NAV3: variants seen among roughly 807,000 people sequenced by gnomAD.
NAV3 encodes neuron navigator 3.
In NAV3, 87 loss-of-function variants were observed where a neutral mutation model predicts 244.7. The ratio of observed to expected loss-of-function variants is 0.36; its 90% CI spans 0.30 to 0.42. The LOEUF is 0.42. NAV3 is among the 20% of genes least tolerant of loss of function. NAV3 has a pLI of 1.00. For missense variants in NAV3, 2,663 were observed against 2,893.3 expected, an observed-to-expected ratio of 0.92 and a Z score of 1.83; for synonymous variants, 1,126 against 1,042.2, an observed-to-expected ratio of 1.08 and a Z score of -1.55.
Position 77,831,444 on chromosome 12 carries a change from G to A in NAV3, c.-18G>A, listed in dbSNP as rs2136073359. On this transcript the variant is annotated 5_prime_UTR_variant, in exon 1 of 40. Coordinates refer to ENST00000397909, the MANE Select transcript of NAV3 (RefSeq NM_001024383.2). ...GAAGCATTTTCTTTGGCAGCAAGAA[G>A]ATAATTTTATAGAAGCCATGCCTGT... 6.4e-7 allele frequency: 1 copy of A among 1,570,250 alleles called. No homozygotes were observed. The highest frequency in any genetic ancestry group is 8.6e-7 in the Non-Finnish European group (1 of 1,161,718).
intron 16 of NAV3, among the ~76,000 whole-genome samples, chr12:78,124,094 C>T (rs912007498): frequency 2.0e-5 from 3 of 152,204 alleles, no homozygotes; most frequent in Admixed American, 2.0e-4. Flanking sequence ...AACCACCTTC[C>T]ACAAAACTGG....
chr12:77,588,715 T>C (rs1869760322), intron 2 of NAV3, among the ~76,000 whole-genome samples: 1 of 152,202 alleles, frequency 6.6e-6, no homozygotes, highest in Non-Finnish European at 1.5e-5. Context: ...GGGACCTTAA[T>C]TTGGCAAGTA....
At position 77,691,333 on chromosome 12, in the gene NAV3, G is replaced by GTATATATATATATA. The variant is rs1214933751; in HGVS notation, c.72+119068_72+119069insATATATATATATAT. Among the ~76,000 whole-genome samples, 321 of 100,856 alleles carry GTATATATATATATA rather than the reference G, an allele frequency of 3.2e-3. 9 individuals carry two copies. Among genetic ancestry groups the GTATATATATATATA allele is most frequent in the African/African-American group, 0.012 (307 of 26,038 alleles). The allele number at this position is 100,856 out of a possible 152,430, so 66.2% of individuals were successfully genotyped here. A position where few individuals can be genotyped will look rare whatever the true frequency, so the allele number is the denominator to read the frequency against. On this transcript the variant is annotated intron_variant, in intron 2 of 8. Coordinates refer to the NAV3 transcript ENST00000550042. ...TAGTCATATATAAGTATTTGTGTAT[G>GTATATATATATATA]TGTGTATATATATATATATATACAT...
intron 2 of NAV3, among the ~76,000 whole-genome samples, chr12:77,683,454 T>C (rs1280564148): frequency 2.6e-5 from 4 of 152,128 alleles, no homozygotes; most frequent in Non-Finnish European, 5.9e-5. Context: ...TCAGGTAATA[T>C]GATGGCTCCA....
chr12:78,047,907 T>C (rs989885837), intron 9 of NAV3, among the ~76,000 whole-genome samples: 1 of 152,206 alleles, frequency 6.6e-6, no homozygotes, highest in African/African-American at 2.4e-5. Flanking sequence ...TGTTTGTTCC[T>C]TTTCATTCTT....
chr12:77,804,816 T>C (rs538824388), intron 2 of NAV3, among the ~76,000 whole-genome samples: 2 of 152,268 alleles, frequency 1.3e-5, no homozygotes, highest in East Asian at 3.9e-4. Context: ...GTGGAATGTT[T>C]TTCCATTTGT....
At chr12:78,057,322 T>C (rs1883660801) in intron 11 of NAV3, among the ~76,000 whole-genome samples, 1 of 152,130 alleles carries the variant, frequency 6.6e-6, no homozygotes, top group African/African-American at 2.4e-5. Flanking sequence ...GGAGTAAAAA[T>C]TAAAAATAAG....
At chr12:77,663,777 T>A (rs1873585821) in intron 2 of NAV3, among the ~76,000 whole-genome samples, 1 of 152,186 alleles carries the variant, frequency 6.6e-6, no homozygotes, top group African/African-American at 2.4e-5. Context: ...CGCCTTGGCC[T>A]TTCAAAGTGC....
At chr12:77,617,316 AC>A in intron 2 of NAV3, among the ~76,000 whole-genome samples, 1 of 152,256 alleles carries the variant, frequency 6.6e-6, no homozygotes, top group South Asian at 2.1e-4. Flanking sequence ...AGTACAGCTG[AC>A]TTGTGTAATG....
intron 12 of NAV3, among the ~76,000 whole-genome samples, chr12:78,110,854 C>A (rs1414811084): frequency 6.6e-6 from 1 of 151,962 alleles, no homozygotes; most frequent in Admixed American, 6.6e-5. Context: ...AGAATGAAAT[C>A]CTGTCATTTG....
chr12:78,193,079 A>G (rs1445748394), intron 34 of NAV3, among the ~76,000 whole-genome samples: 1 of 152,244 alleles, frequency 6.6e-6, no homozygotes, highest in East Asian at 1.9e-4. Context: ...ATGCTGACGC[A>G]TTTTATGCTG....
intron 39 of NAV3, among the ~76,000 whole-genome samples, chr12:78,209,574 C>T (rs1401124388): frequency 4.7e-5 from 7 of 150,512 alleles, no homozygotes; most frequent in Non-Finnish European, 1.0e-4. Context: ...CCATCTCTAA[C>T]AGTGGAGCTC....
At chr12:77,872,423 G>A (rs1842127) in intron 1 of NAV3, among the ~76,000 whole-genome samples, 20,809 of 152,140 alleles carry the variant, frequency 0.14, 1,520 homozygotes, top group East Asian at 0.22. Flanking sequence ...GAGAAAGAAG[G>A]GACTGGTATA....
intron 2 of NAV3, among the ~76,000 whole-genome samples, chr12:77,802,028 C>T (rs182275990): frequency 2.0e-5 from 3 of 152,170 alleles, no homozygotes; most frequent in African/African-American, 7.2e-5. Flanking sequence ...CATGTAGTCT[C>T]TTAGGGGCCC....
chr12:78,176,581 T>C, intron 26 of NAV3, 122 bp downstream of exon 26: 1 of 894,968 alleles, frequency 1.1e-6, no homozygotes, highest in Non-Finnish European at 1.7e-6. Flanking sequence ...TGTATGTCTT[T>C]TCTTTGTGTC....
chr12:78,120,642 T>G (rs1955628915), intron 15 of NAV3, among the ~76,000 whole-genome samples: 1 of 152,208 alleles, frequency 6.6e-6, no homozygotes, highest in Admixed American at 6.5e-5. Flanking sequence ...TATGTGAAGT[T>G]CTGCTCTAAG....
At chr12:77,580,939 G>A (rs1003956762) in intron 2 of NAV3, among the ~76,000 whole-genome samples, 1 of 152,176 alleles carries the variant, frequency 6.6e-6, no homozygotes, top group Non-Finnish European at 1.5e-5. Flanking sequence ...TGTAATACTT[G>A]TTTTCAAGGT....
intron 22 of NAV3, among the ~76,000 whole-genome samples, chr12:78,158,706 TC>T (rs149048929): frequency 0.038 from 5,861 of 152,274 alleles, 177 homozygotes; most frequent in Non-Finnish European, 0.059. Context: ...AAGATAATGT[TC>T]TAGCTGTCAG....
intron 9 of NAV3, among the ~76,000 whole-genome samples, chr12:78,044,838 A>T (rs1040320776): frequency 6.6e-6 from 1 of 152,166 alleles, no homozygotes; most frequent in African/African-American, 2.4e-5. Context: ...GGCTGAGAAG[A>T]TGGGGTTTTC....
Sources: gnomAD v4.1 joint callset for allele counts (sites outside exome capture counted in the v4.1 genomes callset) on GRCh38, gnomAD v4.1.1 for gene constraint, MANE v1.5 for transcripts, NCBI Gene and HGNC (gene_info 2026-07-23, HGNC 2026-07-21) for gene names.